Variants in TCF7L2 observed in about 807,000 individuals in gnomAD.
TCF7L2 encodes transcription factor 7 like 2, also known as transcription factor 7-like 2.
Under a neutral mutation model 77.9 loss-of-function variants are expected in TCF7L2, and 23 were observed. That is an observed-to-expected ratio of 0.30 (90% CI 0.21 to 0.42). The LOEUF is 0.42. Among genes scored for constraint, TCF7L2 ranks in the 10% least tolerant of loss-of-function variants. The pLI is 1.00. For missense variants in TCF7L2, 654 were observed against 793.1 expected, an observed-to-expected ratio of 0.82 and a Z score of 2.11; for synonymous variants, 413 against 340.2, an observed-to-expected ratio of 1.21 and a Z score of -2.36.
At chr10:113,127,716 G>T (rs1436094548) in intron 5 of TCF7L2, among the ~76,000 whole-genome samples, 2 of 152,048 alleles carry the variant, frequency 1.3e-5, no homozygotes, top group Non-Finnish European at 2.9e-5. Context: ...GCACCCTGGG[G>T]ATGAATTTAG....
At position 113,099,975 on chromosome 10, in the gene TCF7L2, T is replaced by C. The variant is rs554748234; in HGVS notation, c.553-41209T>C. On this transcript the variant is annotated intron_variant, in intron 5 of 13. Transcript: ENST00000627217. ...ACATTATAACTGCCCTCCACGCAAGTACCCCAGCTTTTCTGTCCCAAGTTC... is the reference window on the plus strand; with the variant it reads ...ACATTATAACTGCCCTCCACGCAAGCACCCCAGCTTTTCTGTCCCAAGTTC... 2.0e-5 allele frequency among the ~76,000 whole-genome samples: 3 copies of C among 152,294 alleles called. No homozygotes were observed. The East Asian group carries it at 5.8e-4, about 29-fold the overall frequency.
At chr10:112,998,643 C>T (rs900724288) in intron 4 of TCF7L2, among the ~76,000 whole-genome samples, 6 of 152,162 alleles carry the variant, frequency 3.9e-5, no homozygotes, top group African/African-American at 1.4e-4. Flanking sequence ...CGAGAAACCA[C>T]AGTTACAGGG....
intron 5 of TCF7L2, chr10:113,126,836 C>G: frequency 1.0e-6 from 1 of 987,010 alleles, no homozygotes; most frequent in Non-Finnish European, 1.2e-6. Flanking sequence ...GCAGCATGCC[C>G]GCGAGCCGGC....
chr10:113,041,380 G>A (rs559292599), intron 5 of TCF7L2, among the ~76,000 whole-genome samples: 2 of 152,274 alleles, frequency 1.3e-5, no homozygotes, highest in African/African-American at 4.8e-5. Flanking sequence ...TTCAGGGCTG[G>A]AAGTGACCTT....
intron 4 of TCF7L2, among the ~76,000 whole-genome samples, chr10:113,039,174 C>G (rs1390613420): frequency 6.6e-6 from 1 of 152,160 alleles, no homozygotes; most frequent in Non-Finnish European, 1.5e-5. Context: ...ACTGGGCAAG[C>G]CACCTCACCT....
chr10:113,125,275 C>G (rs1470823024), intron 5 of TCF7L2, among the ~76,000 whole-genome samples: 3 of 150,736 alleles, frequency 2.0e-5, no homozygotes, highest in Admixed American at 2.0e-4. Flanking sequence ...TTCTTTAGAA[C>G]AGTATGAATA....
intron 5 of TCF7L2, among the ~76,000 whole-genome samples, chr10:113,049,741 G>T (rs148530601): frequency 1.3e-5 from 2 of 152,132 alleles, no homozygotes; most frequent in African/African-American, 2.4e-5. Flanking sequence ...CCAAAGCAGC[G>T]ATGAACAGAT....
intron 4 of TCF7L2, among the ~76,000 whole-genome samples, chr10:112,993,857 C>T (rs1309577557): frequency 2.0e-5 from 3 of 152,014 alleles, no homozygotes; most frequent in Non-Finnish European, 4.4e-5. Flanking sequence ...GAGTTCGAGA[C>T]CAGCTTGGCC....
At chr10:112,977,832 C>T (rs960648914) in intron 4 of TCF7L2, among the ~76,000 whole-genome samples, 45 of 152,072 alleles carry the variant, frequency 3.0e-4, no homozygotes, top group East Asian at 9.6e-4. Context: ...GCACTAATGG[C>T]GGGGAAAGGC....
chr10:113,165,133 G>A lies in TCF7L2; in HGVS notation c.1392-422G>A, dbSNP rs963925049. Among the ~76,000 whole-genome samples the A allele has an allele frequency of 8.5e-5, 13 of 152,208 alleles. No homozygotes were observed. In the East Asian group the frequency reaches 9.6e-4, roughly 11 times the overall value. ...GTGGTGGGAATGGGAGTGAAGGGCC[G>A]AGGAAACTTGATGGGAAAGTGAGGG... is the stretch of plus-strand genomic sequence containing the variant. On this transcript the variant is annotated intron_variant, in intron 13 of 13. Coordinates refer to ENST00000627217, the MANE Select transcript of TCF7L2 (RefSeq NM_001146274.2).
intron 5 of TCF7L2, among the ~76,000 whole-genome samples, chr10:113,079,878 G>A (rs2059143043): frequency 6.6e-6 from 1 of 152,010 alleles, no homozygotes; most frequent in Non-Finnish European, 1.5e-5. Flanking sequence ...GGCTGGTCTT[G>A]AAATCCTGAC....
chr10:113,054,801 A>G (rs2055085634), intron 5 of TCF7L2, among the ~76,000 whole-genome samples: 2 of 151,938 alleles, frequency 1.3e-5, no homozygotes, highest in African/African-American at 4.8e-5. Context: ...CTTTGACATA[A>G]GTGGCTTCAC....
intron 5 of TCF7L2, among the ~76,000 whole-genome samples, chr10:113,120,216 A>G (rs2064557508): frequency 6.6e-6 from 1 of 152,190 alleles, no homozygotes; most frequent in Non-Finnish European, 1.5e-5. Flanking sequence ...TGTTCAAAGT[A>G]GATTGAGGGG....
chr10:113,101,701 G>A (rs1238363512), intron 5 of TCF7L2, among the ~76,000 whole-genome samples: 6 of 151,904 alleles, frequency 3.9e-5, no homozygotes, highest in Non-Finnish European at 5.9e-5. Context: ...AAATTAGCTG[G>A]GCATGGTGGC....
chr10:112,966,624 G>A (rs565609807), intron 4 of TCF7L2, among the ~76,000 whole-genome samples: 9 of 152,104 alleles, frequency 5.9e-5, no homozygotes, highest in Non-Finnish European at 1.0e-4. Flanking sequence ...TCCTTATCTT[G>A]GTGTGGAAAG....
intron 4 of TCF7L2, among the ~76,000 whole-genome samples, chr10:112,975,219 T>G (rs181840778): frequency 6.6e-6 from 1 of 152,228 alleles, no homozygotes; most frequent in Non-Finnish European, 1.5e-5. Flanking sequence ...ATATGTGGAG[T>G]CTTTGAAGCA....
At chr10:112,971,165 C>T (rs568555748) in intron 4 of TCF7L2, among the ~76,000 whole-genome samples, 1 of 152,312 alleles carries the variant, frequency 6.6e-6, no homozygotes, top group South Asian at 2.1e-4. Flanking sequence ...CCCTTGCTCT[C>T]ACCAAGCTTA....
chr10:113,077,252 AAT>A (rs2058787558), intron 5 of TCF7L2, among the ~76,000 whole-genome samples: 1 of 152,212 alleles, frequency 6.6e-6, no homozygotes, highest in Non-Finnish European at 1.5e-5. Flanking sequence ...TTTCCAATAA[AAT>A]GTACTCAAAA....
At chr10:113,126,356 G>C (rs540100289) in intron 5 of TCF7L2, among the ~76,000 whole-genome samples, 4 of 152,062 alleles carry the variant, frequency 2.6e-5, no homozygotes, top group Admixed American at 2.0e-4. Context: ...TTCCTCCCCT[G>C]CCTTCTCTGA....
Sources: allele counts gnomAD v4.1 joint callset (sites outside exome capture counted in the v4.1 genomes callset), GRCh38; gene constraint gnomAD v4.1.1; transcripts MANE v1.5; gene names NCBI Gene and HGNC (gene_info 2026-07-23, HGNC 2026-07-21).